The following INTS3 variants were observed in gnomAD, a reference collection of about 807,000 sequenced individuals.
INTS3 encodes SOSS complex subunit A.
A neutral mutation model predicts 146.3 loss-of-function variants in INTS3; 34 were observed. The observed-to-expected ratio is 0.23, with a 90% confidence interval of 0.18 to 0.31. The LOEUF is 0.31. INTS3 is among the 10% of genes least tolerant of loss of function. INTS3 has a pLI of 1.00. For missense variants in INTS3, 757 were observed against 1,304.2 expected, an observed-to-expected ratio of 0.58 and a Z score of 6.46; for synonymous variants, 475 against 494.9, an observed-to-expected ratio of 0.96 and a Z score of 0.53.
At chr1:153,766,185 G>A (rs549829697) in intron 20 of INTS3, among the ~76,000 whole-genome samples, 7 of 144,166 alleles carry the variant, frequency 4.9e-5, no homozygotes, top group African/African-American at 1.3e-4. Context: ...ACAGTGGTGC[G>A]ATCTTGGCTC....
chr1:153,750,160 G>A (rs1042687071), intron 6 of INTS3, among the ~76,000 whole-genome samples: 9 of 152,340 alleles, frequency 5.9e-5, no homozygotes, highest in Non-Finnish European at 1.2e-4. Context: ...GTAGTTTTCC[G>A]GAATCAGGAT....
intron 20 of INTS3, chr1:153,766,584 C>G (rs999376804): frequency 1.3e-5 from 2 of 151,922 alleles, no homozygotes; most frequent in African/African-American, 2.4e-5. Context: ...TAGACGTGAG[C>G]CACCGGGCCC....
chr1:153,754,539 A>G lies in INTS3; in HGVS notation c.860-103A>G, dbSNP rs1211703140. 4 of 818,202 alleles carry G rather than the reference A, an allele frequency of 4.9e-6. No individual in the cohort carries two copies. The African/African-American group carries it at 6.7e-5, about 14-fold the overall frequency. The allele number at this position is 818,202 out of a possible 1,614,324, so 50.7% of individuals were successfully genotyped here. On this transcript the variant is annotated intron_variant, in intron 8 of 29. Coordinates refer to ENST00000318967, the MANE Select transcript of INTS3 (RefSeq NM_023015.5). The stretch of plus-strand genomic sequence containing the variant: ...CTTGTCTTGGAATTTCTCCGTGAGC[A>G]AGACTACTGGCCATCAGTACCTGGC...
intron 3 of INTS3, among the ~76,000 whole-genome samples, chr1:153,746,230 A>C (rs1040330688): frequency 3.9e-5 from 6 of 152,126 alleles, no homozygotes; most frequent in Non-Finnish European, 7.4e-5. Flanking sequence ...TGGCTTGTTC[A>C]ACCAAACCCA....
chr1:153,729,907 G>A (rs920646624), intron 1 of INTS3, among the ~76,000 whole-genome samples: 2 of 151,168 alleles, frequency 1.3e-5, no homozygotes, highest in Non-Finnish European at 2.9e-5. Flanking sequence ...GAGCTGAGAC[G>A]TGATTGCTTA....
chr1:153,758,724 G>A (rs755282404), intron 10 of INTS3, among the ~76,000 whole-genome samples: 4 of 151,922 alleles, frequency 2.6e-5, no homozygotes, highest in Non-Finnish European at 5.9e-5. Flanking sequence ...CTTGAGCCTG[G>A]GAGGTAGAGG....
intron 10 of INTS3, 48 bp from the exon 11 acceptor site, chr1:153,759,478 G>A (rs1405582932): frequency 2.5e-6 from 3 of 1,219,254 alleles, no homozygotes; most frequent in East Asian, 2.3e-5. Context: ...GAAATGGAGG[G>A]GGGTGATTGA....
intron 3 of INTS3, among the ~76,000 whole-genome samples, chr1:153,741,822 A>C (rs1671545492): frequency 6.6e-6 from 1 of 152,262 alleles, no homozygotes; most frequent in African/African-American, 2.4e-5. Context: ...TGATTGATGC[A>C]GTAAATAATG....
intron 10 of INTS3, among the ~76,000 whole-genome samples, chr1:153,758,312 G>A (rs967828884): frequency 4.6e-5 from 7 of 152,164 alleles, no homozygotes; most frequent in Non-Finnish European, 8.8e-5. Flanking sequence ...TGGGTCCTTG[G>A]AATGTGCTGA....
In INTS3 at chr1:153,754,797, C is replaced by T. The variant is rs114785566; in HGVS notation, c.957+58C>T. On this transcript the variant is annotated intron_variant, in intron 9 of 29. Coordinates refer to ENST00000318967, the MANE Select transcript of INTS3 (RefSeq NM_023015.5). ...CACACGCTGGCTGGGCTTCTTGCTT[C>T]GGTCTGTGGAGCTGTTACCATTGTT... 6.1e-4 allele frequency: 677 copies of T among 1,105,530 alleles called. 2 individuals carry two copies. In the African/African-American group the frequency reaches 8.7e-3, roughly 14 times the overall value. The allele number at this position is 1,105,530 out of a possible 1,614,324, so 68.5% of individuals were successfully genotyped here. A position where few individuals can be genotyped will look rare whatever the true frequency, so the allele number is the denominator to read the frequency against.
intron 8 of INTS3, among the ~76,000 whole-genome samples, 156 bp downstream of exon 8, chr1:153,752,564 G>A (rs957652331): frequency 1.3e-5 from 2 of 152,182 alleles, no homozygotes; most frequent in South Asian, 2.1e-4. Flanking sequence ...GTACAACTGC[G>A]AATGGCAGAG....
At chr1:153,751,995 G>A (rs1197645873) in intron 7 of INTS3, 2 of 401,438 alleles carry the variant, frequency 5.0e-6, no homozygotes, top group Non-Finnish European at 8.9e-6. Flanking sequence ...CCTTGAACTG[G>A]ATTGAAACAG....
intron 22 of INTS3, 72 bp from the exon 23 acceptor site, chr1:153,769,697 G>A (rs1274118373): frequency 1.9e-5 from 18 of 967,422 alleles, no homozygotes; most frequent in East Asian, 2.4e-5. Flanking sequence ...GCCCTCCTGC[G>A]TCCCCCTCCA....
intron 20 of INTS3, among the ~76,000 whole-genome samples, chr1:153,766,156 G>T (rs1570879676): frequency 8.7e-6 from 1 of 114,416 alleles, no homozygotes; most frequent in African/African-American, 3.5e-5. Context: ...GAGTCTCGCT[G>T]TGTCGCCCAG....
intron 1 of INTS3, among the ~76,000 whole-genome samples, chr1:153,729,648 A>G (rs1372444171): frequency 1.3e-5 from 2 of 152,172 alleles, no homozygotes; most frequent in East Asian, 3.8e-4. Flanking sequence ...CAGGCGGATC[A>G]CAAGGTCAAG....
chr1:153,741,392 A>G, intron 3 of INTS3, 24 bp downstream of exon 3: 1 of 1,529,814 alleles, frequency 6.5e-7, no homozygotes. Flanking sequence ...CTCTGGACCC[A>G]TAAACCCTCC....
chr1:153,747,013 A>T lies in INTS3; in HGVS notation c.375A>T (p.Lys125Asn). 1 of 1,614,014 alleles carries T rather than the reference A, an allele frequency of 6.2e-7. No individual in the cohort carries two copies. Residue 125 changes from lysine to asparagine, a missense_variant, in exon 4 of 30, where the codon AAA (lysine) becomes AAT (asparagine). Physicochemically the swap from Lys to Asn is moderately conservative, Grantham distance 94. Around this residue, in one of 8 missense-constraint regions of INTS3, gnomAD observed 160 missense variants for 193.7 expected, o/e 0.83. Coordinates refer to ENST00000318967, the MANE Select transcript of INTS3 (RefSeq NM_023015.5). ...SRDGMNIVLN[K>N]INQILMEKYL... The stretch of plus-strand genomic sequence containing the variant: ...ATGGCATGAATATTGTCCTGAATAA[A>T]ATCAACCAGATACTTATGGAGAAGT...
intron 9 of INTS3, among the ~76,000 whole-genome samples, chr1:153,756,122 C>T (rs1452338668): frequency 2.0e-5 from 3 of 152,064 alleles, no homozygotes; most frequent in Non-Finnish European, 2.9e-5. Flanking sequence ...CATCTACAAT[C>T]CCAGCACTTT....
intron 9 of INTS3, among the ~76,000 whole-genome samples, chr1:153,755,982 A>G (rs9427217): frequency 0.56 from 84,631 of 151,706 alleles, 23,903 homozygotes; most frequent in East Asian, 0.68. Flanking sequence ...AGAGGTTGCG[A>G]TAAGCCAAGA....
Sources: gnomAD v4.1 joint callset for allele counts (sites outside exome capture counted in the v4.1 genomes callset) on GRCh38, gnomAD v4.1.1 for gene constraint, gnomAD v4.1.1 regional missense constraint, MANE v1.5 for transcripts, NCBI Gene and HGNC (gene_info 2026-07-23, HGNC 2026-07-21) for gene names.